Variants in COG4 observed in about 807,000 individuals in gnomAD.
COG4 encodes the protein conserved oligomeric Golgi complex subunit 4.
COG4 carries 65 observed loss-of-function variants against 95.1 expected under a neutral mutation model. That is an observed-to-expected ratio of 0.68 (90% CI 0.56 to 0.84). COG4 has a LOEUF of 0.84. Ranked by LOEUF, COG4 falls within the 40% of genes least tolerant of loss-of-function variation. The pLI is 0.00. For missense variants in COG4, 1,045 were observed against 989.1 expected (o/e 1.06, Z -0.76); for synonymous variants, 421 against 374.8 (o/e 1.12, Z -1.42).
chr16:70,505,898 G>A (rs544551537), intron 8 of COG4, among the ~76,000 whole-genome samples: 4 of 151,658 alleles, frequency 2.6e-5, no homozygotes, highest in African/African-American at 7.3e-5. Context: ...TAATTCCAGT[G>A]CTTTGGGAGG....
chr16:70,492,881 T>G (rs2049272799), intron 12 of COG4, among the ~76,000 whole-genome samples: 1 of 151,760 alleles, frequency 6.6e-6, no homozygotes, highest in Admixed American at 6.6e-5. Context: ...GAGAATCGCT[T>G]GAACCTATGA....
At chr16:70,510,753 A>T (rs2049684195) in intron 5 of COG4, among the ~76,000 whole-genome samples, 1 of 151,678 alleles carries the variant, frequency 6.6e-6, no homozygotes, top group Admixed American at 6.6e-5. Flanking sequence ...AAAAAGTACC[A>T]TAGAGCAGGT....
rs2049965929 is a variant in COG4, at chr16:70,522,333, C to T, written c.171+1040G>A. On this transcript the variant is annotated intron_variant, in intron 1 of 18. Transcript: ENST00000323786. ...TAAAACACATCTTGCTGAGGCCAGA[C>T]AAAAAAAGCCCCACACACTAAACTA... 2.6e-5 allele frequency among the ~76,000 whole-genome samples: 4 copies of T among 152,158 alleles called. No homozygotes were observed. The South Asian group carries it at 8.3e-4, about 32-fold the overall frequency.
rs1443151399 is a variant in COG4, at chr16:70,512,243, T to C, written c.734A>G (p.Lys245Arg). 2 of 1,614,156 alleles carry C rather than the reference T, an allele frequency of 1.2e-6. No homozygotes were observed. The highest frequency in any genetic ancestry group is 1.1e-5 in the South Asian group (1 of 91,080). ...CCAAGCAATCAGGGTCCATACCTGCTTGCAAAGGTACTCCGAGAACTTTCT... is the reference window on the plus strand; with the variant it reads ...CCAAGCAATCAGGGTCCATACCTGCCTGCAAAGGTACTCCGAGAACTTTCT... ...GLRKFSEYLC[K>R]QVASKAEENL... Residue 245 changes from lysine (K) to arginine (R), a missense_variant, in exon 5 of 19, where the codon AAG becomes AGG. By Grantham distance (26) the Lys-to-Arg change is conservative. Coordinates refer to ENST00000323786, the MANE Select transcript of COG4 (RefSeq NM_015386.3).
chr16:70,489,878 C>G (rs1426705180), intron 13 of COG4, among the ~76,000 whole-genome samples: 1 of 152,156 alleles, frequency 6.6e-6, no homozygotes, highest in African/African-American at 2.4e-5. Flanking sequence ...AGTGCAGTGG[C>G]ACGATCTCAG....
At chr16:70,491,233 G>C (rs2049237134) in intron 12 of COG4, among the ~76,000 whole-genome samples, 1 of 152,048 alleles carries the variant, frequency 6.6e-6, no homozygotes, top group Non-Finnish European at 1.5e-5. Context: ...AAAATGATTT[G>C]GCCAGGCACG....
At position 70,514,491 on chromosome 16, in the gene COG4, T is replaced by A; in HGVS notation, c.388A>T (p.Ile130Phe). The change falls in exon 4 of 19, where the codon ATT becomes TTT. Residue 130 changes from isoleucine (I) to phenylalanine (F), a missense_variant. Coordinates refer to ENST00000323786, the MANE Select transcript of COG4 (RefSeq NM_015386.3). The stretch of plus-strand genomic sequence containing the variant: ...TCCAAGATGTCATCAGCTCTCTGAA[T>A]GGCCTGATAGAGGCGGTTCTGCAAA... ...DLAKNRLYQA[I>F]QRADDILDLK... 6.2e-7 allele frequency: 1 copy of A among 1,614,150 alleles called. No individual in the cohort carries two copies.
At chr16:70,509,745 C>A in intron 6 of COG4, 171 bp downstream of exon 6, 1 of 661,652 alleles carries the variant, frequency 1.5e-6, no homozygotes, top group South Asian at 1.7e-5. Flanking sequence ...AGACTCTAAT[C>A]TTTGCTAATC....
intron 12 of COG4, among the ~76,000 whole-genome samples, chr16:70,495,397 CAAA>C (rs11382671): frequency 5.4e-5 from 6 of 111,298 alleles, no homozygotes; most frequent in African/African-American, 7.1e-5. Flanking sequence ...GACTCCATCT[CAAA>C]AAAAAAAAAA....
In COG4 at chr16:70,480,597, A is replaced by G; in HGVS notation, c.*413T>C. 3.8e-6 allele frequency: 1 copy of G among 260,860 alleles called. No individual in the cohort carries two copies. Among genetic ancestry groups the G allele is most frequent in the South Asian group, 4.5e-5 (1 of 22,192 alleles). 16.2% of individuals were successfully genotyped at this position (260,860 alleles called of 1,614,324 possible). A position where few individuals can be genotyped will look rare whatever the true frequency, so the allele number is the denominator to read the frequency against. ...CTCCAAGGAGTAGCTTTATTCAGGG[A>G]TCATAAACATCACAGCCTCTCCTCA... On this transcript the variant is annotated 3_prime_UTR_variant, in exon 19 of 19. Coordinates refer to ENST00000323786, the MANE Select transcript of COG4 (RefSeq NM_015386.3).
intron 15 of COG4, 124 bp from the exon 16 acceptor site, chr16:70,482,299 A>C (rs1340465579): frequency 2.7e-6 from 2 of 754,312 alleles, no homozygotes; most frequent in Non-Finnish European, 2.3e-6. Flanking sequence ...CTTCTGACTC[A>C]TCTAGTTTAA....
chr16:70,482,448 C>G (rs149150846), intron 15 of COG4: 3 of 607,310 alleles, frequency 4.9e-6, no homozygotes, highest in African/African-American at 1.9e-5. Context: ...GAAATCACTA[C>G]GCCAGGAGGA....
chr16:70,511,319 CAT>C (rs939900362), intron 5 of COG4, among the ~76,000 whole-genome samples: 109 of 152,244 alleles, frequency 7.2e-4, no homozygotes, highest in African/African-American at 2.2e-3. Flanking sequence ...TAACAAACCA[CAT>C]GTTACAGAAT....
Position 70,481,498 on chromosome 16 carries a change from AC to A in COG4, c.2107-12del, listed in dbSNP as rs1280015412. ...CTGCAGACCACCCAGCTGCAGGAGA[AC>A]CCAAGCCCAGTCACTACTTAGGCCT... On this transcript the variant is annotated splice_polypyrimidine_tract_variant and intron_variant, in intron 17 of 18. Transcript: ENST00000323786. 1 of 1,610,782 alleles carries A rather than the reference AC, an allele frequency of 6.2e-7. No homozygotes were observed. Among genetic ancestry groups the A allele is most frequent in the Non-Finnish European group, 8.5e-7 (1 of 1,179,902 alleles).
At chr16:70,487,785 T>A (rs1373176500) in intron 13 of COG4, among the ~76,000 whole-genome samples, 1 of 152,216 alleles carries the variant, frequency 6.6e-6, no homozygotes, top group Non-Finnish European at 1.5e-5. Flanking sequence ...CTGTTATTTT[T>A]ATTTTGTTAA....
intron 5 of COG4, among the ~76,000 whole-genome samples, 170 bp downstream of exon 5, chr16:70,512,069 G>A (rs184372965): frequency 1.3e-5 from 2 of 152,208 alleles, no homozygotes; most frequent in African/African-American, 4.8e-5. Context: ...CTGGCAACAG[G>A]TGTGTTGAAT....
At chr16:70,508,813 A>C (rs767339137) in intron 7 of COG4, 10 of 551,762 alleles carry the variant, frequency 1.8e-5, no homozygotes, top group South Asian at 1.5e-4. Flanking sequence ...AAAAGAAGGA[A>C]AAAACAAAGT....
chr16:70,508,907 A>C, intron 7 of COG4: 1 of 532,666 alleles, frequency 1.9e-6, no homozygotes, highest in East Asian at 4.5e-5. Context: ...ATAGGACCTC[A>C]AGAAATAGAA....
rs377695872 is a variant in COG4 at position 70,502,236 on chromosome 16, C to T, written c.1062-1145G>A. ...GGCGGAGGTTGCAGTGAGCCAAGAT[C>T]GCGCCACTGCACTCCAGCCTGGAGA... is the stretch of plus-strand genomic sequence containing the variant. On this transcript the variant is annotated intron_variant, in intron 8 of 18. Coordinates refer to ENST00000323786, the MANE Select transcript of COG4 (RefSeq NM_015386.3). Among the ~76,000 whole-genome samples the T allele has an allele frequency of 1.0e-3, 139 of 135,010 alleles. 1 individual carries two copies. The highest frequency in any genetic ancestry group is 8.7e-3 in the Middle Eastern group (2 of 230). 88.6% of individuals were successfully genotyped at this position (135,010 alleles called of 152,430 possible). A position where few individuals can be genotyped will look rare whatever the true frequency, so the allele number is the denominator to read the frequency against.
Sources: gnomAD v4.1 joint callset for allele counts (sites outside exome capture counted in the v4.1 genomes callset) on GRCh38, gnomAD v4.1.1 for gene constraint, MANE v1.5 for transcripts, NCBI Gene and HGNC (gene_info 2026-07-23, HGNC 2026-07-21) for gene names.